Variants in LINGO2 observed in about 807,000 individuals in gnomAD.
The protein encoded by LINGO2 is leucine rich repeat and Ig domain containing 2, also known as leucine-rich repeat and immunoglobulin-like domain-containing nogo receptor-interacting protein 2.
Under a neutral mutation model 30.6 loss-of-function variants are expected in LINGO2, and 14 were observed. The ratio of observed to expected loss-of-function variants is 0.46; its 90% CI spans 0.30 to 0.72. The LOEUF (loss-of-function observed/expected upper bound fraction) is 0.72. Ranked by LOEUF, LINGO2 falls within the 30% of genes least tolerant of loss-of-function variation. LINGO2 has a pLI of 0.07. For synonymous variants in LINGO2, 317 were observed against 288.5 expected (o/e 1.10, Z -1.00); for missense variants, 729 against 751.7 (o/e 0.97, Z 0.35).
the LINGO2 span, among the ~76,000 whole-genome samples, chr9:28,744,609 C>CGTGT: frequency 1.1e-3 from 151 of 133,976 alleles, 1 homozygote; most frequent in Admixed American, 1.5e-3. Context: ...ATATTCCCCT[C>CGTGT]GTGTGTGTGT....
At chr9:28,609,030 A>T (rs1265048591) in intron 1 of LINGO2, among the ~76,000 whole-genome samples, 2 of 151,988 alleles carry the variant, frequency 1.3e-5, no homozygotes, top group South Asian at 4.1e-4. Flanking sequence ...CTATTTCAAA[A>T]TTCAATACAA....
At chr9:28,765,479 T>C in the LINGO2 span, among the ~76,000 whole-genome samples, 1 of 152,014 alleles carries the variant, frequency 6.6e-6, no homozygotes, top group African/African-American at 2.4e-5. Context: ...GGTGTTTGGA[T>C]CAGGAGGAGA....
At chr9:28,172,026 A>AAC (rs1554682030) in intron 4 of LINGO2, among the ~76,000 whole-genome samples, 8 of 82,600 alleles carry the variant, frequency 9.7e-5, no homozygotes, top group East Asian at 5.3e-4. Context: ...CAAAAAAAAA[A>AAC]AAAAAAACAA....
chr9:28,319,477 T>A (rs992064101), intron 3 of LINGO2, among the ~76,000 whole-genome samples: 19 of 151,880 alleles, frequency 1.3e-4, no homozygotes, highest in African/African-American at 3.9e-4. Flanking sequence ...AATAAGAGAT[T>A]TATAAGTTTC....
chr9:28,050,823 T>C (rs1479650229), intron 4 of LINGO2, among the ~76,000 whole-genome samples: 4 of 150,954 alleles, frequency 2.6e-5, no homozygotes, highest in Non-Finnish European at 5.9e-5. Flanking sequence ...CATAGAGGAA[T>C]AACATGTGTA....
At chr9:28,088,062 C>T (rs959465418) in intron 4 of LINGO2, among the ~76,000 whole-genome samples, 2 of 151,982 alleles carry the variant, frequency 1.3e-5, no homozygotes, top group South Asian at 2.1e-4. Context: ...GAGTTCAAAT[C>T]GTGGCTCTGC....
intron 4 of LINGO2, among the ~76,000 whole-genome samples, chr9:28,198,297 C>T (rs539109960): frequency 3.3e-4 from 50 of 151,398 alleles, no homozygotes; most frequent in Middle Eastern, 6.9e-3. Context: ...GCTGTGTATA[C>T]AGTTTTACCA....
At chr9:28,536,607 C>T (rs2135446027) in intron 1 of LINGO2, among the ~76,000 whole-genome samples, 1 of 152,162 alleles carries the variant, frequency 6.6e-6, no homozygotes, top group Non-Finnish European at 1.5e-5. Flanking sequence ...TTGACATTGC[C>T]TTAACAGTTG....
chr9:27,949,491 T>C, exon 6 of LINGO2: 1 of 1,614,134 alleles, frequency 6.2e-7, no homozygotes, highest in Admixed American at 1.7e-5. Context: ...ATGGAAATCC[T>C]TGAAAGACCT....
chr9:28,515,258 C>G (rs7868444), intron 1 of LINGO2, among the ~76,000 whole-genome samples: 142,066 of 150,164 alleles, frequency 0.95, 67,262 homozygotes, highest in East Asian at 1. Flanking sequence ...TCAGGCTGGA[C>G]TGCAGTGGTG....
intron 3 of LINGO2, among the ~76,000 whole-genome samples, chr9:28,321,545 C>T (rs548449832): frequency 7.9e-5 from 12 of 152,206 alleles, no homozygotes; most frequent in Middle Eastern, 3.4e-3. Flanking sequence ...GCAATTGAAA[C>T]TGTTACTGGC....
At chr9:28,388,146 C>T (rs978468688) in intron 2 of LINGO2, among the ~76,000 whole-genome samples, 1 of 152,194 alleles carries the variant, frequency 6.6e-6, no homozygotes, top group Non-Finnish European at 1.5e-5. Context: ...CTCTAACATC[C>T]TACTTTGCAT....
At chr9:28,803,550 A>G in the LINGO2 span, among the ~76,000 whole-genome samples, 3 of 151,888 alleles carry the variant, frequency 2.0e-5, no homozygotes, top group African/African-American at 7.2e-5. Flanking sequence ...AGAAAAACAA[A>G]AGCATACTAT....
At chr9:28,188,784 G>C (rs1216778429) in intron 4 of LINGO2, among the ~76,000 whole-genome samples, 1 of 152,118 alleles carries the variant, frequency 6.6e-6, no homozygotes, top group Non-Finnish European at 1.5e-5. Flanking sequence ...TATTCCTACT[G>C]TCATGGGTCA....
chr9:28,447,063 T>C (rs528498045), intron 2 of LINGO2, among the ~76,000 whole-genome samples: 3 of 152,288 alleles, frequency 2.0e-5, no homozygotes, highest in Non-Finnish European at 4.4e-5. Flanking sequence ...CTAACTCTTA[T>C]GAGGATTTAG....
the LINGO2 span, among the ~76,000 whole-genome samples, chr9:28,684,391 G>A: frequency 1.3e-5 from 2 of 150,602 alleles, no homozygotes; most frequent in Non-Finnish European, 3.0e-5. Context: ...GGGTTTCACC[G>A]TGTTAGCCAG....
intron 5 of LINGO2, among the ~76,000 whole-genome samples, chr9:27,971,310 A>G (rs1820342251): frequency 6.6e-6 from 1 of 151,768 alleles, no homozygotes; most frequent in South Asian, 2.1e-4. Flanking sequence ...CCTCTCACCC[A>G]AAGTCTTAAG....
chr9:28,021,064 C>A (rs1038023622), intron 4 of LINGO2, among the ~76,000 whole-genome samples: 1 of 151,138 alleles, frequency 6.6e-6, no homozygotes, highest in African/African-American at 2.4e-5. Flanking sequence ...TTTATTATTT[C>A]TTTTCTTCTG....
At chr9:28,402,894 G>A (rs779839526) in intron 2 of LINGO2, among the ~76,000 whole-genome samples, 2 of 152,076 alleles carry the variant, frequency 1.3e-5, no homozygotes, top group Admixed American at 6.6e-5. Context: ...GGTAGAATGT[G>A]CAGTAGAAAA....
Sources: gnomAD v4.1 joint callset for allele counts (sites outside exome capture counted in the v4.1 genomes callset) on GRCh38, gnomAD v4.1.1 for gene constraint, MANE v1.5 for transcripts, NCBI Gene and HGNC (gene_info 2026-07-23, HGNC 2026-07-21) for gene names.